EXOC2: variants seen among roughly 807,000 people sequenced by gnomAD.
EXOC2 encodes the protein SEC5-like 1.
EXOC2 carries 70 observed loss-of-function variants against 131.8 expected under a neutral mutation model. The observed-to-expected ratio is 0.53, with a 90% confidence interval of 0.44 to 0.65. EXOC2 has a LOEUF of 0.65. EXOC2 is among the 30% of genes least tolerant of loss of function. The probability of loss-of-function intolerance (pLI) is 0.00; values close to 1 mark genes in which losing one functional copy is unlikely to be tolerated. For synonymous variants in EXOC2, 411 were observed against 398.4 expected, an observed-to-expected ratio of 1.03 and a Z score of -0.38; for missense variants, 923 against 1,108.6, an observed-to-expected ratio of 0.83 and a Z score of 2.38.
chr6:605,834 C>A (rs1237062800), intron 7 of EXOC2, among the ~76,000 whole-genome samples: 1 of 152,160 alleles, frequency 6.6e-6, no homozygotes, highest in East Asian at 1.9e-4. Context: ...CTCTTCTGGG[C>A]ATTTAGTGCT....
intron 4 of EXOC2, 102 bp from the exon 5 acceptor site, chr6:619,645 T>TG: frequency 1.5e-6 from 1 of 673,818 alleles, no homozygotes; most frequent in Non-Finnish European, 2.6e-6. Context: ...ATACTAACCA[T>TG]TACAACAATA....
chr6:542,336 TA>T (rs1308073228), intron 22 of EXOC2, among the ~76,000 whole-genome samples: 1 of 152,194 alleles, frequency 6.6e-6, no homozygotes, highest in Non-Finnish European at 1.5e-5. Flanking sequence ...GCATCTCCAT[TA>T]AACTAATCAT....
At chr6:670,550 G>C (rs1253239988) in intron 1 of EXOC2, among the ~76,000 whole-genome samples, 1 of 151,630 alleles carries the variant, frequency 6.6e-6, no homozygotes, top group Non-Finnish European at 1.5e-5. Flanking sequence ...AGGTTAAAGT[G>C]ATCAATACTT....
intron 4 of EXOC2, 28 bp downstream of exon 4, chr6:629,807 A>G (rs912966060): frequency 6.2e-7 from 1 of 1,607,462 alleles, no homozygotes; most frequent in South Asian, 1.1e-5. Flanking sequence ...TGAAAAATAA[A>G]GAAGACTGAA....
intron 24 of EXOC2, 22 bp from the exon 25 acceptor site, chr6:497,511 T>A: frequency 6.3e-7 from 1 of 1,591,534 alleles, no homozygotes; most frequent in Non-Finnish European, 8.5e-7. Context: ...TAGGAAGACA[T>A]GGTGCTTTGT....
intron 23 of EXOC2, among the ~76,000 whole-genome samples, chr6:515,086 C>A (rs889464894): frequency 6.6e-6 from 1 of 152,208 alleles, no homozygotes; most frequent in Non-Finnish European, 1.5e-5. Context: ...GGCTTTTATA[C>A]AGTATCATGC....
At position 666,627 on chromosome 6, in the gene EXOC2, CCT is replaced by C. The variant is rs1204746943; in HGVS notation, c.-44+26390_-44+26391del. On this transcript the variant is annotated intron_variant, in intron 1 of 27. Coordinates refer to ENST00000230449, the MANE Select transcript of EXOC2 (RefSeq NM_018303.6). Reference sequence around the variant, plus strand: ...CCTTCACTACCACTCCCTCCTGTTTCCTCTGTTATTAACATCTTGCATTAGTG... The same window carrying C: ...CCTTCACTACCACTCCCTCCTGTTTCCTGTTATTAACATCTTGCATTAGTG... Among the ~76,000 whole-genome samples the C allele has an allele frequency of 5.2e-5, 5 of 96,896 alleles. 1 individual carries two copies. The highest frequency in any genetic ancestry group is 9.2e-5 in the African/African-American group (3 of 32,654). 63.6% of individuals were successfully genotyped at this position (96,896 alleles called of 152,430 possible). A position where few individuals can be genotyped will look rare whatever the true frequency, so the allele number is the denominator to read the frequency against.
intron 19 of EXOC2, 51 bp from the exon 20 acceptor site, chr6:555,339 A>G (rs1362301445): frequency 3.4e-6 from 4 of 1,185,324 alleles, no homozygotes; most frequent in Non-Finnish European, 4.8e-6. Context: ...ACTCCTAGAC[A>G]TTAATCTATT....
chr6:600,437 T>G (rs984105853), intron 7 of EXOC2, among the ~76,000 whole-genome samples: 1 of 152,180 alleles, frequency 6.6e-6, no homozygotes, highest in Non-Finnish European at 1.5e-5. Context: ...TTTAAAGTAT[T>G]TATCACTTAA....
intron 4 of EXOC2, 98 bp downstream of exon 4, chr6:629,737 C>T (rs1175131347): frequency 1.4e-5 from 20 of 1,450,092 alleles, no homozygotes; most frequent in Non-Finnish European, 1.9e-5. Flanking sequence ...AACTGTGTTT[C>T]CTGGGATGTT....
chr6:537,191 AGC>A (rs1766495179), intron 22 of EXOC2, among the ~76,000 whole-genome samples: 1 of 152,068 alleles, frequency 6.6e-6, no homozygotes. Flanking sequence ...CGACCGACGG[AGC>A]GTACACTCGA....
In EXOC2 at chr6:541,291, C is replaced by A. The variant is rs149271181; in HGVS notation, c.2238+7884G>T. 5.1e-3 allele frequency among the ~76,000 whole-genome samples: 774 copies of A among 152,262 alleles called. 8 individuals carry two copies. The highest frequency in any genetic ancestry group is 0.018 in the African/African-American group (738 of 41,546). On this transcript the variant is annotated intron_variant, in intron 22 of 27. Transcript: ENST00000230449. ...AAAAAAATGAAGAATAACTAAAATA[C>A]CACTTGCGAAAACATGGGAAACACA...
At chr6:505,629 C>T (rs1764505475) in intron 23 of EXOC2, among the ~76,000 whole-genome samples, 1 of 152,242 alleles carries the variant, frequency 6.6e-6, no homozygotes, top group South Asian at 2.1e-4. Context: ...TGCCTGGATC[C>T]ACCGTTGTCC....
chr6:615,176 G>GGTGGGTGTGT (rs1554137925), intron 6 of EXOC2, among the ~76,000 whole-genome samples: 3 of 103,784 alleles, frequency 2.9e-5, no homozygotes, highest in Admixed American at 9.6e-5. Flanking sequence ...AGTATATGTG[G>GGTGGGTGTGT]GTGTGGGTGT....
intron 1 of EXOC2, among the ~76,000 whole-genome samples, chr6:664,344 A>T (rs1219723255): frequency 6.6e-6 from 1 of 152,244 alleles, no homozygotes; most frequent in East Asian, 1.9e-4. Flanking sequence ...GATGAGTAGA[A>T]TCAATATTGT....
At chr6:588,700 T>G (rs570457714) in intron 11 of EXOC2, among the ~76,000 whole-genome samples, 1 of 152,346 alleles carries the variant, frequency 6.6e-6, no homozygotes, top group Admixed American at 6.5e-5. Context: ...CCTGAGGCAC[T>G]GCTCCCATTC....
At chr6:542,195 G>C (rs1194608107) in intron 22 of EXOC2, among the ~76,000 whole-genome samples, 1 of 152,166 alleles carries the variant, frequency 6.6e-6, no homozygotes, top group East Asian at 1.9e-4. Context: ...CCTTCAGCTT[G>C]GTGGTGTGGG....
chr6:563,218 G>A (rs964390021), intron 16 of EXOC2, among the ~76,000 whole-genome samples: 7 of 152,178 alleles, frequency 4.6e-5, no homozygotes, highest in Admixed American at 2.6e-4. Flanking sequence ...GAGTAATTTG[G>A]CTGTTTTTTG....
chr6:565,353 T>G (rs1032940991), intron 13 of EXOC2, among the ~76,000 whole-genome samples: 4 of 152,222 alleles, frequency 2.6e-5, no homozygotes, highest in Admixed American at 1.3e-4. Context: ...TTAAATACTA[T>G]AAACTATGGC....
Sources: gnomAD v4.1 joint callset for allele counts (sites outside exome capture counted in the v4.1 genomes callset) on GRCh38, gnomAD v4.1.1 for gene constraint, MANE v1.5 for transcripts, NCBI Gene and HGNC (gene_info 2026-07-23, HGNC 2026-07-21) for gene names.